The following MSANTD2 variants were observed in gnomAD, a reference collection of about 807,000 sequenced individuals.
MSANTD2 encodes Myb/SANT DNA binding domain containing 2.
Under a neutral mutation model 52.6 loss-of-function variants are expected in MSANTD2, and 19 were observed. The observed-to-expected ratio is 0.36, with a 90% CI of 0.25 to 0.53. MSANTD2 has a LOEUF of 0.53. MSANTD2 is among the 20% of genes least tolerant of loss of function. The pLI is 0.91. For synonymous variants in MSANTD2, 291 were observed against 289.7 expected (o/e 1.00, Z -0.04); for missense variants, 558 against 716.3 (o/e 0.78, Z 2.52).
At chr11:124,796,587 C>T (rs1040025363) in intron 1 of MSANTD2, among the ~76,000 whole-genome samples, 1 of 152,128 alleles carries the variant, frequency 6.6e-6, no homozygotes, top group Non-Finnish European at 1.5e-5. Context: ...GCTGGGACAA[C>T]AGGGAAGCGC....
At chr11:124,784,812 G>A (rs1246865348) in intron 1 of MSANTD2, 1 of 278,344 alleles carries the variant, frequency 3.6e-6, no homozygotes, top group Non-Finnish European at 5.4e-6. Context: ...AAAAACTAAG[G>A]TTATCTGAAA....
intron 1 of MSANTD2, among the ~76,000 whole-genome samples, chr11:124,793,130 T>C (rs1442079603): frequency 6.6e-6 from 1 of 152,224 alleles, no homozygotes; most frequent in African/African-American, 2.4e-5. Flanking sequence ...ATTTATATTG[T>C]TTAAGTTATC....
chr11:124,787,959 G>C (rs1251182147), intron 1 of MSANTD2, among the ~76,000 whole-genome samples: 18 of 152,052 alleles, frequency 1.2e-4, no homozygotes, highest in Admixed American at 1.1e-3. Context: ...GCTGGGCTTA[G>C]TGCTGCATGC....
At chr11:124,773,465 T>C (rs1210732378) in intron 2 of MSANTD2, 1 of 163,486 alleles carries the variant, frequency 6.1e-6, no homozygotes, top group Non-Finnish European at 1.3e-5. Flanking sequence ...CCCAAAGGTT[T>C]GAGTGACTTA....
At chr11:124,791,427 G>A in intron 1 of MSANTD2, 1 of 1,327,388 alleles carries the variant, frequency 7.5e-7, no homozygotes, top group Non-Finnish European at 1.1e-6. Context: ...GGGTGAGTGA[G>A]AAGCACAGAC....
chr11:124,789,145 A>C lies in MSANTD2; in HGVS notation c.510+10726T>G, dbSNP rs78565985. ...GTGGAGATACCAAATATTAGGTTGA[A>C]GTGCTTTTTGACCTATCCTATTCTT... is the stretch of plus-strand genomic sequence containing the variant. On this transcript the variant is annotated intron_variant, in intron 1 of 3. Transcript: ENST00000374979. 258 of 152,308 alleles carry C rather than the reference A, an allele frequency of 1.7e-3. 1 individual carries two copies. Among genetic ancestry groups the C allele is most frequent in the African/African-American group, 5.9e-3 (246 of 41,554 alleles). 9.4% of individuals were successfully genotyped at this position (152,308 alleles called of 1,614,324 possible).
At chr11:124,799,427 A>C (rs954151610) in intron 1 of MSANTD2, among the ~76,000 whole-genome samples, 4 of 152,122 alleles carry the variant, frequency 2.6e-5, no homozygotes, top group African/African-American at 9.7e-5. Flanking sequence ...CTTATTAACT[A>C]TTCCTAAACT....
intron 1 of MSANTD2, chr11:124,791,607 A>G (rs972525244): frequency 1.4e-5 from 21 of 1,474,526 alleles, no homozygotes; most frequent in Non-Finnish European, 2.0e-5. Flanking sequence ...GCTGCCCAAT[A>G]TCAGTGGGAT....
At chr11:124,796,325 C>T (rs2135274967) in intron 1 of MSANTD2, among the ~76,000 whole-genome samples, 1 of 152,228 alleles carries the variant, frequency 6.6e-6, no homozygotes, top group East Asian at 1.9e-4. Flanking sequence ...AGGAAGGCTG[C>T]TAATCAGAAA....
chr11:124,768,149 G>T, intron 3 of MSANTD2, 121 bp from the exon 4 acceptor site: 6 of 853,210 alleles, frequency 7.0e-6, no homozygotes, highest in Non-Finnish European at 1.1e-5. Flanking sequence ...ACTAGAACAT[G>T]AAATGTGGCT....
In MSANTD2 at chr11:124,779,548, A is replaced by G. The variant is rs1166958597; in HGVS notation, c.511-4574T>C. On this transcript the variant is annotated intron_variant, in intron 1 of 3. Coordinates refer to ENST00000374979, the MANE Select transcript of MSANTD2 (RefSeq NM_001308027.2). This position sits in a 1 kb window ranked among gnomAD's most constrained non-coding sequence, Gnocchi z 4.6. ...TAACGTGGAGGAACAGAAATAAGGCATAACAGCTATATAAATGTATTGTTT... is the reference window on the plus strand; with the variant it reads ...TAACGTGGAGGAACAGAAATAAGGCGTAACAGCTATATAAATGTATTGTTT... Among the ~76,000 whole-genome samples the G allele has an allele frequency of 7.9e-5, 12 of 152,262 alleles. No individual in the cohort carries two copies. Among genetic ancestry groups the G allele is most frequent in the Non-Finnish European group, 2.9e-5 (2 of 68,044 alleles).
intron 1 of MSANTD2, among the ~76,000 whole-genome samples, chr11:124,777,714 G>C (rs962393409): frequency 6.6e-6 from 1 of 152,102 alleles, no homozygotes; most frequent in Non-Finnish European, 1.5e-5. Flanking sequence ...TATCTATCAG[G>C]GGCCTGAAGG....
chr11:124,791,288 A>C, intron 1 of MSANTD2: 1 of 1,453,956 alleles, frequency 6.9e-7, no homozygotes, highest in Non-Finnish European at 9.6e-7. Flanking sequence ...ATGCCCTCCT[A>C]GAACTGTCCC....
In MSANTD2 at chr11:124,770,730, C is replaced by T. The variant is rs193004888; in HGVS notation, c.827+2264G>A. On this transcript the variant is annotated intron_variant, in intron 3 of 3. Coordinates refer to ENST00000374979, the MANE Select transcript of MSANTD2 (RefSeq NM_001308027.2). ...AAGCAATTCTTGTGCCTCAGCCTCC[C>T]GAGTAGCTGGGATTACAGGTGTGTG... Among the ~76,000 whole-genome samples, 93 of 151,444 alleles carry T rather than the reference C, an allele frequency of 6.1e-4. No individual in the cohort carries two copies. The Middle Eastern group carries it at 0.01, about 17-fold the overall frequency.
In MSANTD2 at chr11:124,791,367, C is replaced by G. The variant is rs1945327431; in HGVS notation, c.510+8504G>C. ...CTGCTCCGTGAATGTGCAAGACAAA[C>G]AAGGCATCATTACGGGCTACATCAT... is the stretch of plus-strand genomic sequence containing the variant. On this transcript the variant is annotated intron_variant, in intron 1 of 3. Transcript: ENST00000374979. 2.2e-6 allele frequency: 3 copies of G among 1,383,332 alleles called. No individual in the cohort carries two copies. In the Admixed American group the frequency reaches 5.0e-5, roughly 23 times the overall value. The allele number at this position is 1,383,332 out of a possible 1,614,324, so 85.7% of individuals were successfully genotyped here. A position where few individuals can be genotyped will look rare whatever the true frequency, so the allele number is the denominator to read the frequency against.
chr11:124,791,197 G>C, intron 1 of MSANTD2: 1 of 1,188,194 alleles, frequency 8.4e-7, no homozygotes, highest in South Asian at 1.3e-5. Flanking sequence ...ATGGGTGCAT[G>C]TGAGGGACAT....
chr11:124,769,794 C>T (rs1417520833), intron 3 of MSANTD2, among the ~76,000 whole-genome samples: 1 of 152,218 alleles, frequency 6.6e-6, no homozygotes, highest in African/African-American at 2.4e-5. Context: ...TGTCATGGCA[C>T]TAATGCTATA....
chr11:124,799,530 G>A (rs956401179), intron 1 of MSANTD2, among the ~76,000 whole-genome samples: 11 of 152,216 alleles, frequency 7.2e-5, no homozygotes, highest in African/African-American at 2.2e-4. Context: ...AACAAAGCGA[G>A]GGGCCCCGGC....
In MSANTD2 at chr11:124,775,024, C is replaced by G. The variant is rs1000857657; in HGVS notation, c.511-50G>C. 36 of 1,488,154 alleles carry G rather than the reference C, an allele frequency of 2.4e-5. No individual in the cohort carries two copies. In the Admixed American group the frequency reaches 7.2e-4, roughly 30 times the overall value. 92.2% of individuals were successfully genotyped at this position (1,488,154 alleles called of 1,614,324 possible). ...TCCTTTAAAGCTGTACTTCCTCTTC[C>G]AGGTACGGACCACAGATATTAATTA... On this transcript the variant is annotated intron_variant, in intron 1 of 3. Coordinates refer to ENST00000374979, the MANE Select transcript of MSANTD2 (RefSeq NM_001308027.2).
Sources: gnomAD v4.1 joint callset for allele counts (sites outside exome capture counted in the v4.1 genomes callset) on GRCh38, gnomAD v4.1.1 for gene constraint, Gnocchi (gnomAD v3.1) non-coding constraint, MANE v1.5 for transcripts, NCBI Gene and HGNC (gene_info 2026-07-23, HGNC 2026-07-21) for gene names.